Variants in PACSIN2 observed in about 807,000 individuals in gnomAD.
PACSIN2 encodes protein kinase C and casein kinase substrate in neurons 2.
Under a neutral mutation model 63.8 loss-of-function variants are expected in PACSIN2, and 25 were observed. The ratio of observed to expected loss-of-function variants is 0.39; its 90% CI spans 0.29 to 0.55. The LOEUF (loss-of-function observed/expected upper bound fraction) is 0.55, where lower values mean the gene tolerates loss of function less well. PACSIN2 is among the 20% of genes least tolerant of loss of function. The probability of loss-of-function intolerance (pLI) is 0.62; values close to 1 mark genes in which losing one functional copy is unlikely to be tolerated. For synonymous variants in PACSIN2, 255 were observed against 256.2 expected, an observed-to-expected ratio of 1.00 and a Z score of 0.05; for missense variants, 518 against 646.9, an observed-to-expected ratio of 0.80 and a Z score of 2.16.
chr22:42,957,535 A>G (rs1027921267), intron 1 of PACSIN2, among the ~76,000 whole-genome samples: 22 of 152,362 alleles, frequency 1.4e-4, no homozygotes, highest in Admixed American at 4.6e-4. Flanking sequence ...ATTTCAGAGG[A>G]TTCAAACTGA....
intron 1 of PACSIN2, among the ~76,000 whole-genome samples, chr22:42,928,309 C>T (rs1257516905): frequency 3.3e-5 from 5 of 152,088 alleles, no homozygotes; most frequent in African/African-American, 4.8e-5. Context: ...GTGCTGTAGG[C>T]GATGAAATAT....
At chr22:43,005,762 C>T (rs1924051512) in intron 1 of PACSIN2, among the ~76,000 whole-genome samples, 1 of 152,096 alleles carries the variant, frequency 6.6e-6, no homozygotes, top group African/African-American at 2.4e-5. Flanking sequence ...TCCTGGGGTC[C>T]ATCACCTCAT....
chr22:42,981,405 C>G (rs1371564483), intron 1 of PACSIN2, among the ~76,000 whole-genome samples: 6 of 131,554 alleles, frequency 4.6e-5, no homozygotes, highest in Admixed American at 7.4e-5. Flanking sequence ...AGGTGAGGGG[C>G]GCCTCTGCCC....
At chr22:42,950,762 T>A (rs1031104539) in intron 1 of PACSIN2, among the ~76,000 whole-genome samples, 11 of 152,218 alleles carry the variant, frequency 7.2e-5, no homozygotes, top group African/African-American at 2.2e-4. Flanking sequence ...ACCAAAAATG[T>A]GAATTCTTCC....
rs951219001 is a variant in PACSIN2, at chr22:42,886,419, G to T, written c.610-1858C>A. Among the ~76,000 whole-genome samples, 14 of 112,212 alleles carry T rather than the reference G, an allele frequency of 1.2e-4. 1 individual carries two copies. The highest frequency in any genetic ancestry group is 3.2e-4 in the African/African-American group (9 of 28,126). The allele number at this position is 112,212 out of a possible 152,430, so 73.6% of individuals were successfully genotyped here. ...ACCAGTCAGCAATGGTATGTATGTA[G>T]GTAGGTAGGTAGGTAGGTAGGTAGG... On this transcript the variant is annotated intron_variant, in intron 5 of 10. Coordinates refer to ENST00000263246, the MANE Select transcript of PACSIN2 (RefSeq NM_001184970.3).
chr22:42,896,070 T>C (rs1930257367), intron 2 of PACSIN2, among the ~76,000 whole-genome samples: 1 of 152,170 alleles, frequency 6.6e-6, no homozygotes, highest in African/African-American at 2.4e-5. Context: ...AGGGTACACT[T>C]AGATCTGAAT....
intron 1 of PACSIN2, among the ~76,000 whole-genome samples, chr22:42,997,746 G>C (rs540026281): frequency 1.3e-3 from 198 of 152,032 alleles, no homozygotes; most frequent in Non-Finnish European, 2.5e-3. Context: ...GCGCATGCCT[G>C]TGGTCCCAGC....
At chr22:42,972,050 G>A (rs1024432432) in intron 1 of PACSIN2, among the ~76,000 whole-genome samples, 7 of 152,122 alleles carry the variant, frequency 4.6e-5, no homozygotes, top group Admixed American at 2.0e-4. Flanking sequence ...TGACAATGGC[G>A]GTTTTGTCCA....
At chr22:42,907,497 T>A (rs1237102668) in intron 2 of PACSIN2, among the ~76,000 whole-genome samples, 1 of 152,220 alleles carries the variant, frequency 6.6e-6, no homozygotes, top group Non-Finnish European at 1.5e-5. Flanking sequence ...GGTGGGGTGA[T>A]AATTAAGCTG....
chr22:42,936,286 C>G (rs1932916161), intron 1 of PACSIN2, among the ~76,000 whole-genome samples: 1 of 151,968 alleles, frequency 6.6e-6, no homozygotes, highest in Admixed American at 6.6e-5. Context: ...CCTGTGACTT[C>G]TGAGGATTCA....
At chr22:42,960,024 G>A (rs897738501) in intron 1 of PACSIN2, 6 of 152,212 alleles carry the variant, frequency 3.9e-5, no homozygotes, top group African/African-American at 1.4e-4. Context: ...CATCACAGAA[G>A]AGCTCTCTTT....
chr22:42,905,356 C>T (rs910870058), intron 2 of PACSIN2, among the ~76,000 whole-genome samples: 11 of 152,248 alleles, frequency 7.2e-5, no homozygotes, highest in South Asian at 2.1e-4. Flanking sequence ...GTAGAGAGGA[C>T]GCTCAGAGAC....
At chr22:42,872,462 C>G (rs1051755272) in intron 10 of PACSIN2, among the ~76,000 whole-genome samples, 1 of 152,252 alleles carries the variant, frequency 6.6e-6, no homozygotes, top group African/African-American at 2.4e-5. Context: ...TTTTGTAACT[C>G]TCTTTGGCAT....
chr22:42,897,872 A>C (rs1362408665), intron 2 of PACSIN2, among the ~76,000 whole-genome samples: 2 of 152,218 alleles, frequency 1.3e-5, no homozygotes, highest in Non-Finnish European at 2.9e-5. Context: ...TGGCAAAAGG[A>C]AGGTGTGTCC....
intron 1 of PACSIN2, among the ~76,000 whole-genome samples, chr22:42,975,728 C>G (rs1261899199): frequency 6.6e-6 from 1 of 150,672 alleles, no homozygotes; most frequent in East Asian, 1.9e-4. Flanking sequence ...GGAGCACCCA[C>G]TAGGAGTTTC....
intron 1 of PACSIN2, among the ~76,000 whole-genome samples, chr22:42,954,988 G>T (rs1933852631): frequency 6.6e-6 from 1 of 152,140 alleles, no homozygotes; most frequent in Non-Finnish European, 1.5e-5. Flanking sequence ...TGACCTCCTT[G>T]CCTTTGCATA....
chr22:42,910,939 C>T (rs1008041682), intron 2 of PACSIN2, among the ~76,000 whole-genome samples: 2 of 151,724 alleles, frequency 1.3e-5, no homozygotes, highest in Non-Finnish European at 2.9e-5. Flanking sequence ...GAGTCTTGCT[C>T]TGTCACCCAG....
At chr22:42,878,601 C>G (rs1928826653) in intron 8 of PACSIN2, among the ~76,000 whole-genome samples, 5 of 152,232 alleles carry the variant, frequency 3.3e-5, no homozygotes, top group Admixed American at 3.3e-4. Flanking sequence ...GCAGTCCTCT[C>G]CTGTCCCTCC....
chr22:42,875,669 G>A (rs1449904912), intron 10 of PACSIN2, among the ~76,000 whole-genome samples: 1 of 152,048 alleles, frequency 6.6e-6, no homozygotes, highest in East Asian at 1.9e-4. Flanking sequence ...CTGAGTAACT[G>A]TGATTATAGA....
Sources: allele counts gnomAD v4.1 joint callset (sites outside exome capture counted in the v4.1 genomes callset), GRCh38; gene constraint gnomAD v4.1.1; transcripts MANE v1.5; gene names NCBI Gene and HGNC (gene_info 2026-07-23, HGNC 2026-07-21).